Variants in ECSCR observed in about 807,000 individuals in gnomAD.
The protein encoded by ECSCR is endothelial cell-specific chemotaxis regulator.
ECSCR carries 12 observed loss-of-function variants against 16.7 expected under a neutral mutation model. The observed-to-expected ratio is 0.72, with a 90% CI of 0.46 to 1.17. The LOEUF is 1.17. Among genes scored for constraint, ECSCR ranks in the 50% most tolerant of loss-of-function variants. The pLI is 0.00. For synonymous variants in ECSCR, 44 were observed against 42.2 expected, an observed-to-expected ratio of 1.04 and a Z score of -0.17; for missense variants, 122 against 116.1, an observed-to-expected ratio of 1.05 and a Z score of -0.23.
In ECSCR at chr5:139,457,425, G is replaced by A. The variant is rs1581435734; in HGVS notation, c.217+120C>T. ...ACCCTGCATGTCATCCTCAGTGTGAGGGTCTATTTCCTTGTCTGTTCCCGC... is the reference window on the plus strand; with the variant it reads ...ACCCTGCATGTCATCCTCAGTGTGAAGGTCTATTTCCTTGTCTGTTCCCGC... On this transcript the variant is annotated intron_variant, in intron 4 of 9. Transcript: ENST00000618155. 17 of 747,908 alleles carry A rather than the reference G, an allele frequency of 2.3e-5. No homozygotes were observed. In the East Asian group the frequency reaches 3.7e-4, roughly 16 times the overall value. The allele number at this position is 747,908 out of a possible 1,614,324, so 46.3% of individuals were successfully genotyped here.
At chr5:139,456,777 CTCTT>C (rs1751167569) in intron 4 of ECSCR, among the ~76,000 whole-genome samples, 1 of 152,194 alleles carries the variant, frequency 6.6e-6, no homozygotes, top group Non-Finnish European at 1.5e-5. Flanking sequence ...CCCACCAAAC[CTCTT>C]TCTTTCCTGA....
intron 1 of ECSCR, 68 bp from the exon 2 acceptor site, chr5:139,458,251 C>T: frequency 6.9e-7 from 1 of 1,451,296 alleles, no homozygotes; most frequent in Non-Finnish European, 9.4e-7. Context: ...GAAAGGAACC[C>T]TTAGAATGCC....
intron 1 of ECSCR, among the ~76,000 whole-genome samples, chr5:139,459,222 C>T (rs1751238462): frequency 6.6e-6 from 1 of 152,068 alleles, no homozygotes; most frequent in Non-Finnish European, 1.5e-5. Context: ...CCTGGTCCTG[C>T]CCCCAGGGAA....
chr5:139,454,454 G>T (rs1751113203), intron 8 of ECSCR, 148 bp downstream of exon 8: 1 of 386,268 alleles, frequency 2.6e-6, no homozygotes, highest in South Asian at 1.5e-4. Flanking sequence ...TGTGTGGTGG[G>T]TTTGAGGTGT....
chr5:139,449,908 C>A (rs1252203373), intron 8 of ECSCR, among the ~76,000 whole-genome samples: 1 of 147,470 alleles, frequency 6.8e-6, no homozygotes, highest in Admixed American at 6.7e-5. Flanking sequence ...TTTTTTTTTT[C>A]CCCTTGAAAC....
At chr5:139,449,430 C>T (rs143196830) in intron 8 of ECSCR, among the ~76,000 whole-genome samples, 2,636 of 151,744 alleles carry the variant, frequency 0.017, 36 homozygotes, top group Non-Finnish European at 0.02. Flanking sequence ...CTCCACCTCT[C>T]GGGTTCAAGC....
chr5:139,451,196 GTGGGGTGTGTGTGGTA>G (rs888279560), intron 8 of ECSCR, among the ~76,000 whole-genome samples: 4 of 150,570 alleles, frequency 2.7e-5, no homozygotes, highest in Non-Finnish European at 4.4e-5. Flanking sequence ...TGTATGTGGT[GTGGGGTGTGTGTGGTA>G]TGGGGTGTGT....
chr5:139,458,389 G>C (rs1457332546), intron 1 of ECSCR, among the ~76,000 whole-genome samples: 4 of 148,512 alleles, frequency 2.7e-5, no homozygotes. Context: ...AGCTACTCAG[G>C]AGGCTGAGGT....
At chr5:139,453,808 G>C in intron 8 of ECSCR, among the ~76,000 whole-genome samples, 1 of 86,642 alleles carries the variant, frequency 1.2e-5, no homozygotes, top group Non-Finnish European at 2.5e-5. Context: ...TGTGGTGTGT[G>C]ATGTGTGGGG....
intron 1 of ECSCR, 51 bp downstream of exon 1, chr5:139,462,559 T>A: frequency 6.5e-7 from 1 of 1,541,478 alleles, no homozygotes. Flanking sequence ...ATGCCTAGAA[T>A]GGCCAGCTGC....
chr5:139,450,775 C>CA (rs952414998), intron 8 of ECSCR, among the ~76,000 whole-genome samples: 954 of 95,280 alleles, frequency 0.01, 6 homozygotes, highest in Middle Eastern at 0.019. Flanking sequence ...GACTCCATGT[C>CA]AAAAAAAAAA....
Position 139,448,907 on chromosome 5 carries a change from A to T in ECSCR, c.611T>A (p.Val204Asp). 2.6e-6 allele frequency: 4 copies of T among 1,537,218 alleles called. No homozygotes were observed. Among genetic ancestry groups the T allele is most frequent in the Non-Finnish European group, 3.5e-6 (4 of 1,146,888 alleles). ...NGKQSLSAEK[V>D]L ...GGGGACCCAAAGTTGCTTTTAAAGA[A>T]CCTGCAAAATAAATGCATAATGGGG... Residue 204 changes from valine (V) to aspartate (D), a missense_variant and splice_region_variant, in exon 10 of 10, where the codon GTT (valine) becomes GAT (aspartate). Coordinates refer to ENST00000618155, the MANE Select transcript of ECSCR (RefSeq NM_001077693.4).
chr5:139,457,844 C>G (rs1751194225), intron 2 of ECSCR, 37 bp from the exon 3 acceptor site: 1 of 1,577,788 alleles, frequency 6.3e-7, no homozygotes. Context: ...GGTGCACCGC[C>G]TCCTACTGTT....
In ECSCR at chr5:139,448,696, C is replaced by T; in HGVS notation, c.*204G>A. The T allele has an allele frequency of 7.2e-7, 1 of 1,393,238 alleles. No homozygotes were observed. The highest frequency in any genetic ancestry group is 2.6e-5 in the East Asian group (1 of 38,712). The allele number at this position is 1,393,238 out of a possible 1,614,324, so 86.3% of individuals were successfully genotyped here. ...GAAGCAGGCAGTATTTCCACAGCAG[C>T]TGTCCATACAGGAAAGAGTCTCCCC... is the stretch of plus-strand genomic sequence containing the variant. On this transcript the variant is annotated 3_prime_UTR_variant, in exon 10 of 10. Coordinates refer to ENST00000618155, the MANE Select transcript of ECSCR (RefSeq NM_001077693.4).
At chr5:139,449,009 G>T in intron 9 of ECSCR, 69 bp downstream of exon 9, 1 of 1,531,794 alleles carries the variant, frequency 6.5e-7, no homozygotes, top group Non-Finnish European at 8.8e-7. Flanking sequence ...TCTCCTTTCT[G>T]GCCTGAAAGT....
At chr5:139,460,156 CAG>C (rs1403153900) in intron 1 of ECSCR, among the ~76,000 whole-genome samples, 2 of 150,114 alleles carry the variant, frequency 1.3e-5, no homozygotes, top group East Asian at 1.9e-4. Flanking sequence ...CGTTTTGAGA[CAG>C]AGTTTCGCTC....
Position 139,462,546 on chromosome 5 carries a change from C to CCGAT in ECSCR, c.61+60_61+63dup, listed in dbSNP as rs1751330873. 6.0e-6 allele frequency: 9 copies of CCGAT among 1,488,496 alleles called. No homozygotes were observed. The Admixed American group carries it at 1.8e-4, about 29-fold the overall frequency. 92.2% of individuals were successfully genotyped at this position (1,488,496 alleles called of 1,614,324 possible). On this transcript the variant is annotated intron_variant, in intron 1 of 9. Coordinates refer to ENST00000618155, the MANE Select transcript of ECSCR (RefSeq NM_001077693.4). ...AAGCATGTGTCTCCTGAGAAAGAGA[C>CCGAT]CGATGCCTAGAATGGCCAGCTGCGG...
Position 139,449,151 on chromosome 5 carries a change from TTCTC to T in ECSCR, c.532_535del (p.Glu178LysfsTer9), listed in dbSNP as rs1211971545. 1.3e-6 allele frequency: 2 copies of T among 1,537,186 alleles called. No homozygotes were observed. Among genetic ancestry groups the T allele is most frequent in the Non-Finnish European group, 1.7e-6 (2 of 1,146,900 alleles). On this transcript the variant is annotated frameshift_variant, in exon 9 of 10. Coordinates refer to ENST00000618155, the MANE Select transcript of ECSCR (RefSeq NM_001077693.4). ...CATGGAGATAAGGGTGATGCTGTCT[TTCTC>T]TCCATTGGCTGTGGAGCAGCTGGGG...
chr5:139,448,844 T>C lies in ECSCR; in HGVS notation c.*56A>G. On this transcript the variant is annotated 3_prime_UTR_variant, in exon 10 of 10. Transcript: ENST00000618155. ...CTCTACTAATTCCATCTCTTCCTCC[T>C]TGTAGTCACAGGGCAGCTGCATCAT... The C allele has an allele frequency of 2.6e-6, 4 of 1,534,770 alleles. No homozygotes were observed. The highest frequency in any genetic ancestry group is 3.5e-6 in the Non-Finnish European group (4 of 1,146,238).
Sources: gnomAD v4.1 joint callset for allele counts (sites outside exome capture counted in the v4.1 genomes callset) on GRCh38, gnomAD v4.1.1 for gene constraint, MANE v1.5 for transcripts, NCBI Gene and HGNC (gene_info 2026-07-23, HGNC 2026-07-21) for gene names.